Variants in FAM118B observed in about 807,000 individuals in gnomAD.
FAM118B encodes the protein SIR2 antiphage like 1, also known as protein FAM118B.
A neutral mutation model predicts 38.5 loss-of-function variants in FAM118B; 24 were observed. The ratio of observed to expected loss-of-function variants is 0.62; its 90% CI spans 0.45 to 0.88. FAM118B has a LOEUF of 0.88. Ranked by LOEUF, FAM118B falls within the 40% of genes least tolerant of loss-of-function variation. FAM118B has a pLI of 0.00. For missense variants in FAM118B, 334 were observed against 420.0 expected, an observed-to-expected ratio of 0.80 and a Z score of 1.79; for synonymous variants, 138 against 156.3, an observed-to-expected ratio of 0.88 and a Z score of 0.87.
chr11:126,247,256 T>C (rs1950429991), intron 4 of FAM118B, among the ~76,000 whole-genome samples: 2 of 152,128 alleles, frequency 1.3e-5, no homozygotes, highest in Admixed American at 6.6e-5. Context: ...CATGCCACTG[T>C]ACTCCAGCTT....
chr11:126,215,755 A>G (rs1949970556), intron 1 of FAM118B, among the ~76,000 whole-genome samples: 1 of 151,898 alleles, frequency 6.6e-6, no homozygotes, highest in Non-Finnish European at 1.5e-5. Flanking sequence ...TCACACCTTA[A>G]TCCCAGCACT....
intron 7 of FAM118B, among the ~76,000 whole-genome samples, chr11:126,258,611 G>C (rs1241911404): frequency 6.6e-6 from 1 of 152,114 alleles, no homozygotes; most frequent in African/African-American, 2.4e-5. Context: ...TTCTTTGTTG[G>C]AAATGAGTTT....
At position 126,237,205 on chromosome 11, in the gene FAM118B, C is replaced by T. The variant is rs750377327; in HGVS notation, c.86+2118C>T. On this transcript the variant is annotated intron_variant, in intron 3 of 8. Coordinates refer to ENST00000533050, the MANE Select transcript of FAM118B (RefSeq NM_024556.4). ...TGCAGGGATTACAGACGTGAGCCAC[C>T]GCGCCTGGCCTTTTTTTTTTTTTTT... Among the ~76,000 whole-genome samples, 365 of 137,556 alleles carry T rather than the reference C, an allele frequency of 2.7e-3. 5 individuals are homozygous for T. The highest frequency in any genetic ancestry group is 4.5e-3 in the Non-Finnish European group (293 of 64,858). 90.2% of individuals were successfully genotyped at this position (137,556 alleles called of 152,430 possible).
intron 4 of FAM118B, among the ~76,000 whole-genome samples, chr11:126,249,257 G>A (rs1950463812): frequency 6.6e-6 from 1 of 152,144 alleles, no homozygotes; most frequent in South Asian, 2.1e-4. Context: ...GGTGTTTGAT[G>A]TTTTCAACAG....
chr11:126,258,087 T>C (rs1311120139), intron 7 of FAM118B, among the ~76,000 whole-genome samples: 1 of 152,332 alleles, frequency 6.6e-6, no homozygotes, highest in Non-Finnish European at 1.5e-5. Context: ...AGTATTTTCA[T>C]TGTCAACCTG....
At chr11:126,219,256 T>C (rs760247981) in intron 1 of FAM118B, among the ~76,000 whole-genome samples, 1 of 151,912 alleles carries the variant, frequency 6.6e-6, no homozygotes, top group Non-Finnish European at 1.5e-5. Context: ...CTTAGTGTCA[T>C]GGAATGCAGC....
chr11:126,227,620 T>C (rs867949987), intron 1 of FAM118B, among the ~76,000 whole-genome samples: 3 of 152,194 alleles, frequency 2.0e-5, no homozygotes, highest in Admixed American at 1.3e-4. Context: ...AACACGAATC[T>C]ACTTCATATC....
chr11:126,211,811 T>C lies in FAM118B; in HGVS notation c.-96T>C. On this transcript the variant is annotated 5_prime_UTR_variant, in exon 1 of 9. Transcript: ENST00000533050. The stretch of plus-strand genomic sequence containing the variant: ...CGGCCGGTAGCTGCAGCTGGAGCAG[T>C]GGCGTTTGGAGGAGACTCGGTGAGT... 1.5e-6 allele frequency: 1 copy of C among 682,830 alleles called. No homozygotes were observed. 42.3% of individuals were successfully genotyped at this position (682,830 alleles called of 1,614,324 possible). A position where few individuals can be genotyped will look rare whatever the true frequency, so the allele number is the denominator to read the frequency against.
intron 2 of FAM118B, among the ~76,000 whole-genome samples, chr11:126,233,024 G>T (rs1950228015): frequency 2.6e-5 from 4 of 152,126 alleles, no homozygotes; most frequent in African/African-American, 4.8e-5. Context: ...TAACAAAATT[G>T]TTGCATTGTA....
At chr11:126,211,730 C>A, upstream of FAM118B, 1 of 1,431,552 alleles carries the variant, frequency 7.0e-7, no homozygotes. Context: ...TCACGTGGTG[C>A]GGGGTGGGGC....
In FAM118B at chr11:126,250,092, AT is replaced by A. The variant is rs71048776; in HGVS notation, c.340-397del. Among the ~76,000 whole-genome samples, 75,267 of 131,528 alleles carry A rather than the reference AT, an allele frequency of 0.57. 21,141 individuals carry two copies. Among genetic ancestry groups the A allele is most frequent in the East Asian group, 0.84 (3,572 of 4,270 alleles). 86.3% of individuals were successfully genotyped at this position (131,528 alleles called of 152,430 possible). A position where few individuals can be genotyped will look rare whatever the true frequency, so the allele number is the denominator to read the frequency against. On this transcript the variant is annotated intron_variant, in intron 4 of 8. Transcript: ENST00000533050. This position sits in a 1 kb window ranked among gnomAD's most constrained non-coding sequence, Gnocchi z 5.1. ...AGATAGATAATATTTTATCCCCGGG[AT>A]TTTTTTTTTTTTTTTTGAGATGGAG...
chr11:126,259,425 CTTT>C (rs397945854), intron 7 of FAM118B, among the ~76,000 whole-genome samples: 3 of 129,422 alleles, frequency 2.3e-5, no homozygotes, highest in Non-Finnish European at 4.9e-5. Context: ...CGTTGTGGTA[CTTT>C]TTTTTTTTTT....
Position 126,255,321 on chromosome 11 carries a change from C to CAA in FAM118B, c.696+889_696+890insAA, listed in dbSNP as rs1243874422. 6.6e-6 allele frequency among the ~76,000 whole-genome samples: 1 copy of CAA among 152,150 alleles called. No homozygotes were observed. Among genetic ancestry groups the CAA allele is most frequent in the African/African-American group, 2.4e-5 (1 of 41,428 alleles). ...CAGGACTGGGTCATATAGATTATAGCATCTTTTAATAATGAGGCAAAAGAC... is the reference window on the plus strand; with the variant it reads ...CAGGACTGGGTCATATAGATTATAGCAAATCTTTTAATAATGAGGCAAAAGAC... On this transcript the variant is annotated intron_variant, in intron 6 of 8. Coordinates refer to ENST00000533050, the MANE Select transcript of FAM118B (RefSeq NM_024556.4). This position sits in a 1 kb window ranked among gnomAD's most constrained non-coding sequence, Gnocchi z 4.6.
chr11:126,228,704 T>C (rs576469463), intron 1 of FAM118B, among the ~76,000 whole-genome samples: 95 of 152,044 alleles, frequency 6.2e-4, no homozygotes, highest in African/African-American at 2.1e-3. Flanking sequence ...GAATTACAGG[T>C]GCCCACCACC....
chr11:126,247,937 A>T (rs1307681486), intron 4 of FAM118B, among the ~76,000 whole-genome samples: 2 of 146,938 alleles, frequency 1.4e-5, no homozygotes, highest in African/African-American at 2.5e-5. Context: ...CTATATATAT[A>T]TTTTTGTACT....
chr11:126,245,273 C>T (rs1017938103), intron 4 of FAM118B: 1 of 152,006 alleles, frequency 6.6e-6, no homozygotes, highest in Non-Finnish European at 1.5e-5. Flanking sequence ...CATAGTGAGA[C>T]CCTGTCTCTA....
chr11:126,250,958 T>C lies in FAM118B; in HGVS notation c.567+225T>C, dbSNP rs142667699. Among the ~76,000 whole-genome samples the C allele has an allele frequency of 6.6e-6, 1 of 152,356 alleles. No homozygotes were observed. The highest frequency in any genetic ancestry group is 1.9e-4 in the East Asian group (1 of 5,190). ...TGTTCAGTTCTATGACTCTTGACAA[T>C]TTCATCCAGTTTTAAAGCAAGATTA... On this transcript the variant is annotated intron_variant, in intron 5 of 8. Transcript: ENST00000533050. The surrounding 1 kb of genome is among the most constrained non-coding windows in gnomAD (Gnocchi z 5.1).
intron 4 of FAM118B, among the ~76,000 whole-genome samples, chr11:126,246,728 A>C (rs1485177986): frequency 2.0e-5 from 3 of 152,098 alleles, no homozygotes. Flanking sequence ...GGCTTGAGCT[A>C]CCATGCCAAT....
intron 5 of FAM118B, 82 bp from the exon 6 acceptor site, chr11:126,254,223 C>T (rs1950543472): frequency 6.6e-7 from 1 of 1,516,028 alleles, no homozygotes; most frequent in African/African-American, 1.4e-5. Context: ...GTCTAGTCCT[C>T]AAAACAGCCT....
Sources: gnomAD v4.1 joint callset for allele counts (sites outside exome capture counted in the v4.1 genomes callset) on GRCh38, gnomAD v4.1.1 for gene constraint, Gnocchi (gnomAD v3.1) non-coding constraint, MANE v1.5 for transcripts, NCBI Gene and HGNC (gene_info 2026-07-23, HGNC 2026-07-21) for gene names.